The following ART3 variants were observed in gnomAD, a reference collection of about 807,000 sequenced individuals.
ART3 encodes the protein ADP-ribosyltransferase 3 (inactive).
In ART3, 49 loss-of-function variants were observed where a neutral mutation model predicts 48.5. The observed-to-expected ratio is 1.01, with a 90% CI of 0.80 to 1.28. The LOEUF (loss-of-function observed/expected upper bound fraction) is 1.28. Ranked by LOEUF, ART3 falls within the 50% of genes most tolerant of loss-of-function variation. The probability of loss-of-function intolerance (pLI) is 0.00; values close to 1 mark genes in which losing one functional copy is unlikely to be tolerated. For missense variants in ART3, 438 were observed against 454.3 expected, an observed-to-expected ratio of 0.96 and a Z score of 0.33; for synonymous variants, 145 against 157.2, an observed-to-expected ratio of 0.92 and a Z score of 0.58.
chr4:76,022,659 G>A (rs1341480689), intron 1 of ART3: 3 of 1,606,958 alleles, frequency 1.9e-6, no homozygotes, highest in African/African-American at 2.7e-5. Context: ...ATTACAACCA[G>A]GGAAGTGATA....
At chr4:76,065,087 C>T (rs1359162961) in intron 1 of ART3, among the ~76,000 whole-genome samples, 2 of 152,144 alleles carry the variant, frequency 1.3e-5, no homozygotes, top group East Asian at 3.9e-4. Flanking sequence ...CCACCTTGGC[C>T]TCCCAAAGTG....
chr4:76,023,480 G>C lies in ART3; in HGVS notation c.-10+12160G>C, dbSNP rs567039545. ...TGCTGTAGGCTCAGAATATGTCTAA[G>C]CAATTGAGGAATGTCTCAGAAAACG... On this transcript the variant is annotated intron_variant, in intron 1 of 9. Coordinates refer to the ART3 transcript ENST00000341029. 5.9e-6 allele frequency: 9 copies of C among 1,527,924 alleles called. No homozygotes were observed. In the South Asian group the frequency reaches 1.0e-4, roughly 17 times the overall value. 94.6% of individuals were successfully genotyped at this position (1,527,924 alleles called of 1,614,324 possible).
intron 8 of ART3, among the ~76,000 whole-genome samples, chr4:76,102,155 C>T (rs551159466): frequency 1.1e-4 from 16 of 152,194 alleles, no homozygotes; most frequent in Non-Finnish European, 1.8e-4. Context: ...AAGCAAAGAA[C>T]AGAGTATATT....
chr4:76,048,289 A>C (rs1735705202), intron 1 of ART3, among the ~76,000 whole-genome samples: 1 of 151,912 alleles, frequency 6.6e-6, no homozygotes, highest in South Asian at 2.1e-4. Context: ...ATCAAGCTGC[A>C]GGATAGTATT....
intron 3 of ART3, among the ~76,000 whole-genome samples, chr4:76,089,585 C>T (rs1724378630): frequency 6.6e-6 from 1 of 152,164 alleles, no homozygotes; most frequent in Admixed American, 6.5e-5. Context: ...CCTGCCGAAT[C>T]ATGAGCCAAT....
chr4:76,108,092 TAA>T (rs536447393), intron 11 of ART3, among the ~76,000 whole-genome samples: 1 of 145,616 alleles, frequency 6.9e-6, no homozygotes. Flanking sequence ...AAATATATAT[TAA>T]AAAAAAAAAG....
intron 3 of ART3, among the ~76,000 whole-genome samples, chr4:76,095,561 C>T (rs1037002180): frequency 8.6e-5 from 13 of 151,988 alleles, no homozygotes; most frequent in African/African-American, 3.1e-4. Flanking sequence ...ATTCAGGAGG[C>T]CTTCAAAAAT....
chr4:76,091,088 T>A (rs1724783776), intron 3 of ART3, among the ~76,000 whole-genome samples: 1 of 152,266 alleles, frequency 6.6e-6, no homozygotes, highest in African/African-American at 2.4e-5. Context: ...GTATCAATAG[T>A]TTATTTATGC....
At chr4:76,031,837 A>C (rs2149397250) in intron 1 of ART3, among the ~76,000 whole-genome samples, 1 of 152,350 alleles carries the variant, frequency 6.6e-6, no homozygotes, top group East Asian at 1.9e-4. Flanking sequence ...GCACAGGAAT[A>C]ATTCATTAAT....
chr4:76,057,243 G>A (rs959295494), intron 1 of ART3, among the ~76,000 whole-genome samples: 1 of 152,150 alleles, frequency 6.6e-6, no homozygotes, highest in African/African-American at 2.4e-5. Context: ...ACAGGTTGGA[G>A]GAGACTTAAG....
rs1732949455 is a variant in ART3 at position 76,022,514 on chromosome 4, G to A, written c.-10+11194G>A. 1.3e-6 allele frequency: 2 copies of A among 1,535,658 alleles called. 1 individual carries two copies. The highest frequency in any genetic ancestry group is 3.4e-5 in the Admixed American group (2 of 59,382). ...ACTGTGTTGGGTCAATAAAACAGAT[G>A]GCATACGCAGTTCTGAAGTCAGACA... On this transcript the variant is annotated intron_variant, in intron 1 of 9. Transcript: ENST00000341029.
chr4:76,102,120 G>A (rs1490887483), intron 8 of ART3, among the ~76,000 whole-genome samples: 1 of 152,214 alleles, frequency 6.6e-6, no homozygotes, highest in Non-Finnish European at 1.5e-5. Flanking sequence ...TGGCTTTAAA[G>A]ACAGAGAAGA....
chr4:76,066,548 A>G (rs536064083), intron 1 of ART3, among the ~76,000 whole-genome samples: 2 of 152,186 alleles, frequency 1.3e-5, no homozygotes, highest in East Asian at 3.9e-4. Flanking sequence ...CAGAGAGCGT[A>G]ATTAGCAGAG....
At chr4:76,068,175 C>A (rs925878885) in intron 1 of ART3, among the ~76,000 whole-genome samples, 1 of 152,208 alleles carries the variant, frequency 6.6e-6, no homozygotes, top group East Asian at 1.9e-4. Context: ...TTAGGTATGA[C>A]TTATGTAAAT....
At chr4:76,096,491 A>C (rs192883997) in intron 3 of ART3, among the ~76,000 whole-genome samples, 122 of 152,306 alleles carry the variant, frequency 8.0e-4, no homozygotes, top group Non-Finnish European at 1.5e-3. Context: ...GCTCCTCCTC[A>C]GGTAGCTGAA....
chr4:76,021,900 G>T, intron 1 of ART3: 2 of 1,601,980 alleles, frequency 1.2e-6, no homozygotes, highest in Non-Finnish European at 1.7e-6. Flanking sequence ...ATCCTTGGAA[G>T]CACTGCATCG....
At chr4:76,042,232 G>A (rs1024601962) in intron 1 of ART3, among the ~76,000 whole-genome samples, 1 of 152,118 alleles carries the variant, frequency 6.6e-6, no homozygotes, top group African/African-American at 2.4e-5. Context: ...ATTAATGTAA[G>A]CTATTTAAAA....
At chr4:76,053,899 G>A (rs1311467370) in intron 1 of ART3, among the ~76,000 whole-genome samples, 1 of 152,214 alleles carries the variant, frequency 6.6e-6, no homozygotes, top group African/African-American at 2.4e-5. Context: ...GCAGCTCTGT[G>A]CATGGCCTTT....
At chr4:76,099,046 A>G (rs977880854) in intron 5 of ART3, 59 bp downstream of exon 5, 1 of 1,503,072 alleles carries the variant, frequency 6.7e-7, no homozygotes, top group Non-Finnish European at 9.2e-7. Flanking sequence ...TCACGCCTGT[A>G]ATCCCAGCGC....
Sources: allele counts gnomAD v4.1 joint callset (sites outside exome capture counted in the v4.1 genomes callset), GRCh38; gene constraint gnomAD v4.1.1; transcripts MANE v1.5; gene names NCBI Gene and HGNC (gene_info 2026-07-23, HGNC 2026-07-21).